ADAM22: variants seen among roughly 807,000 people sequenced by gnomAD.
ADAM22 encodes the protein ADAM metallopeptidase domain 22, also known as disintegrin and metalloproteinase domain-containing protein 22.
In ADAM22, 65 loss-of-function variants were observed where a neutral mutation model predicts 144.6. The ratio of observed to expected loss-of-function variants is 0.45; its 90% CI spans 0.37 to 0.55. The LOEUF (loss-of-function observed/expected upper bound fraction) is 0.55. ADAM22 is among the 20% of genes least tolerant of loss of function. The probability of loss-of-function intolerance (pLI) is 0.00; values close to 1 mark genes in which losing one functional copy is unlikely to be tolerated. For synonymous variants in ADAM22, 391 were observed against 412.6 expected (o/e 0.95, Z 0.63); for missense variants, 974 against 1,184.9 (o/e 0.82, Z 2.61).
intron 3 of ADAM22, among the ~76,000 whole-genome samples, chr7:88,055,176 C>G (rs1807860797): frequency 6.6e-6 from 1 of 151,762 alleles, no homozygotes; most frequent in Non-Finnish European, 1.5e-5. Context: ...TTCTCAGGAC[C>G]TTGCTCCCTA....
intron 29 of ADAM22, among the ~76,000 whole-genome samples, chr7:88,185,154 A>C (rs1014233044): frequency 2.6e-5 from 4 of 152,308 alleles, no homozygotes; most frequent in Middle Eastern, 3.4e-3. Context: ...TTAATTGGCT[A>C]TCTGTGAAAG....
In ADAM22 at chr7:88,145,152, G is replaced by A; in HGVS notation, c.1348G>A (p.Gly450Ser). The A allele has an allele frequency of 6.2e-7, 1 of 1,613,758 alleles. No homozygotes were observed. The highest frequency in any genetic ancestry group is 2.2e-5 in the East Asian group (1 of 44,872). ...KLLDPPECGN[G>S]FIETGEECDC... ...TCTTGATCCTCCTGAGTGTGGCAAT[G>A]GCTTCATTGAAACTGGAGAGGAGTG... The change falls in exon 16 of 32, where the codon GGC becomes AGC. Residue 450 changes from glycine to serine, a missense_variant. By Grantham distance (56) the Gly-to-Ser change is moderately conservative (BLOSUM62 0). This residue lies in a region of ADAM22 where 734 missense variants were observed against 950.6 expected (regional missense o/e 0.77). Coordinates refer to ENST00000413139, the MANE Select transcript of ADAM22 (RefSeq NM_001324418.2).
chr7:88,124,580 C>T (rs527976825), intron 7 of ADAM22, among the ~76,000 whole-genome samples: 3 of 150,114 alleles, frequency 2.0e-5, no homozygotes, highest in African/African-American at 7.3e-5. Context: ...AACATTTAGT[C>T]TATTTGCATT....
At chr7:88,088,402 C>G (rs1022428830) in intron 4 of ADAM22, among the ~76,000 whole-genome samples, 2 of 151,784 alleles carry the variant, frequency 1.3e-5, no homozygotes, top group Non-Finnish European at 1.5e-5. Flanking sequence ...TCCTTTTGTG[C>G]TCATTTTTCT....
intron 29 of ADAM22, among the ~76,000 whole-genome samples, chr7:88,183,853 T>C (rs758888677): frequency 6.9e-6 from 1 of 145,482 alleles, no homozygotes; most frequent in Non-Finnish European, 1.5e-5. Context: ...TATATATTTA[T>C]ACATACACAC....
At chr7:88,151,701 A>T (rs1330432160) in intron 20 of ADAM22, among the ~76,000 whole-genome samples, 3 of 152,202 alleles carry the variant, frequency 2.0e-5, no homozygotes, top group African/African-American at 7.2e-5. Context: ...GACCCTGGAC[A>T]GGACGTCCTT....
chr7:88,178,619 A>T (rs2158865), intron 26 of ADAM22, among the ~76,000 whole-genome samples: 43,022 of 151,120 alleles, frequency 0.28, 8,041 homozygotes, highest in East Asian at 0.54. Context: ...TTTTTTTTTT[A>T]AAAAAAGACA....
intron 30 of ADAM22, among the ~76,000 whole-genome samples, chr7:88,192,485 AATT>A (rs1849831403): frequency 6.6e-6 from 1 of 152,174 alleles, no homozygotes; most frequent in Non-Finnish European, 1.5e-5. Context: ...TGTAGGGACT[AATT>A]AGACCATTTT....
chr7:88,185,171 T>C (rs1322331496), intron 29 of ADAM22, among the ~76,000 whole-genome samples: 1 of 152,206 alleles, frequency 6.6e-6, no homozygotes, highest in Non-Finnish European at 1.5e-5. Context: ...AAAGCACAAG[T>C]TGGCAATGAT....
chr7:88,032,360 C>T (rs1016069185), intron 3 of ADAM22, among the ~76,000 whole-genome samples: 6 of 152,228 alleles, frequency 3.9e-5, no homozygotes, highest in African/African-American at 1.4e-4. Context: ...AATGATTGCC[C>T]TGCTGGGTTT....
intron 3 of ADAM22, among the ~76,000 whole-genome samples, chr7:88,048,198 A>G (rs1805206891): frequency 6.6e-6 from 1 of 152,098 alleles, no homozygotes; most frequent in Admixed American, 6.5e-5. Context: ...GTAGATCCCT[A>G]TGGTATTTTT....
intron 2 of ADAM22, among the ~76,000 whole-genome samples, chr7:87,948,839 T>C (rs1844354794): frequency 6.6e-6 from 1 of 152,196 alleles, no homozygotes; most frequent in Non-Finnish European, 1.5e-5. Flanking sequence ...AATGTTGGGC[T>C]CACAATTGGT....
At chr7:87,954,923 G>A (rs539312016) in intron 2 of ADAM22, among the ~76,000 whole-genome samples, 17 of 152,056 alleles carry the variant, frequency 1.1e-4, no homozygotes, top group Non-Finnish European at 1.3e-4. Context: ...CCAGTTGATC[G>A]CATCGGCTCC....
chr7:88,199,280 A>G lies in ADAM22; in HGVS notation c.*2789A>G, dbSNP rs1850977009. ...CATTGCTAAGCAGAAGAGAGCAGTT[A>G]TTTGGCCTTTATGTTCCATTGTATG... is the stretch of plus-strand genomic sequence containing the variant. On this transcript the variant is annotated 3_prime_UTR_variant, in exon 32 of 32. Coordinates refer to ENST00000413139, the MANE Select transcript of ADAM22 (RefSeq NM_001324418.2). 6.6e-6 allele frequency: 1 copy of G among 152,184 alleles called. No individual in the cohort carries two copies. The highest frequency in any genetic ancestry group is 1.5e-5 in the Non-Finnish European group (1 of 68,030). The allele number at this position is 152,184 out of a possible 1,614,324, so 9.4% of individuals were successfully genotyped here. A position where few individuals can be genotyped will look rare whatever the true frequency, so the allele number is the denominator to read the frequency against.
At chr7:88,039,464 A>AAAAAAAAAAAAAAAAAAAAAAAAT in intron 3 of ADAM22, among the ~76,000 whole-genome samples, 1 of 76,402 alleles carries the variant, frequency 1.3e-5, no homozygotes, top group East Asian at 5.3e-4. Flanking sequence ...AAAAAAAAAA[A>AAAAAAAAAAAAAAAAAAAAAAAAT]ATATATATAT....
At chr7:87,957,592 T>A (rs1847083278) in intron 2 of ADAM22, among the ~76,000 whole-genome samples, 1 of 152,148 alleles carries the variant, frequency 6.6e-6, no homozygotes, top group Non-Finnish European at 1.5e-5. Context: ...TCTTCTTTTT[T>A]TTATTGAGAT....
chr7:88,002,428 C>G (rs1275950419), intron 3 of ADAM22, among the ~76,000 whole-genome samples: 1 of 152,092 alleles, frequency 6.6e-6, no homozygotes, highest in Non-Finnish European at 1.5e-5. Flanking sequence ...GGTGTGGAAT[C>G]CATCCCTCCC....
At chr7:88,130,701 AAAAC>A (rs1326664365) in intron 10 of ADAM22, among the ~76,000 whole-genome samples, 1 of 152,120 alleles carries the variant, frequency 6.6e-6, no homozygotes, top group Non-Finnish European at 1.5e-5. Flanking sequence ...TCACACTGTA[AAAAC>A]AAAGGTTGTG....
chr7:88,165,737 C>T (rs1483670452), intron 23 of ADAM22, 95 bp from the exon 24 acceptor site: 11 of 781,416 alleles, frequency 1.4e-5, no homozygotes, highest in Non-Finnish European at 2.2e-5. Flanking sequence ...GGAATTACCA[C>T]ATTCTAAGCA....
Sources: allele counts gnomAD v4.1 joint callset (sites outside exome capture counted in the v4.1 genomes callset), GRCh38; gene constraint gnomAD v4.1.1; regional missense constraint gnomAD v4.1.1; transcripts MANE v1.5; gene names NCBI Gene and HGNC (gene_info 2026-07-23, HGNC 2026-07-21).